LGR4: variants seen among roughly 807,000 people sequenced by gnomAD.
The protein encoded by LGR4 is leucine-rich repeat-containing G protein-coupled receptor 4.
A neutral mutation model predicts 84.8 loss-of-function variants in LGR4; 44 were observed. That is an observed-to-expected ratio of 0.52 (90% CI 0.41 to 0.67). The LOEUF (loss-of-function observed/expected upper bound fraction) is 0.67. LGR4 is among the 30% of genes least tolerant of loss of function. LGR4 has a pLI of 0.00. For missense variants in LGR4, 1,032 were observed against 1,131.4 expected (o/e 0.91, Z 1.26); for synonymous variants, 429 against 434.3 (o/e 0.99, Z 0.15).
At chr11:27,389,315 A>C (rs1018375251) in intron 4 of LGR4, among the ~76,000 whole-genome samples, 1 of 152,032 alleles carries the variant, frequency 6.6e-6, no homozygotes, top group African/African-American at 2.4e-5. Flanking sequence ...AAAGCCTTTA[A>C]AAAAAAGTTT....
intron 1 of LGR4, among the ~76,000 whole-genome samples, chr11:27,426,626 T>A (rs540984386): frequency 6.6e-6 from 1 of 152,324 alleles, no homozygotes; most frequent in African/African-American, 2.4e-5. Flanking sequence ...AACACTGCTA[T>A]AAAGATTAGA....
intron 2 of LGR4, among the ~76,000 whole-genome samples, chr11:27,393,303 C>T (rs1863319873): frequency 6.6e-6 from 1 of 152,008 alleles, no homozygotes; most frequent in Non-Finnish European, 1.5e-5. Flanking sequence ...AACTTGTAGA[C>T]AGGTGAAGTG....
intron 2 of LGR4, among the ~76,000 whole-genome samples, chr11:27,397,547 G>A (rs1247020987): frequency 6.6e-6 from 1 of 152,184 alleles, no homozygotes; most frequent in Non-Finnish European, 1.5e-5. Context: ...AAAAGGGTGA[G>A]AAAGCTTCCT....
chr11:27,377,534 GA>G (rs1184747687), intron 11 of LGR4, among the ~76,000 whole-genome samples: 2 of 151,392 alleles, frequency 1.3e-5, no homozygotes, highest in African/African-American at 4.8e-5. Context: ...GGCAAATATA[GA>G]AAAATATACA....
chr11:27,396,766 T>A (rs1470008164), intron 2 of LGR4, among the ~76,000 whole-genome samples: 1 of 152,140 alleles, frequency 6.6e-6, no homozygotes, highest in Admixed American at 6.5e-5. Flanking sequence ...TTTCTTTTTG[T>A]CCCACAAACA....
intron 14 of LGR4, 59 bp downstream of exon 14, chr11:27,373,916 G>A: frequency 8.3e-7 from 1 of 1,200,984 alleles, no homozygotes; most frequent in Non-Finnish European, 1.2e-6. Context: ...TGTTAAAACA[G>A]ATGTTTCTAT....
intron 7 of LGR4, among the ~76,000 whole-genome samples, chr11:27,381,817 C>T (rs1398373907): frequency 6.6e-6 from 1 of 152,172 alleles, no homozygotes; most frequent in African/African-American, 2.4e-5. Context: ...GCAGTAACTC[C>T]AAACTTCAAT....
chr11:27,380,568 G>T, intron 9 of LGR4, 72 bp downstream of exon 9: 1 of 1,068,390 alleles, frequency 9.4e-7, no homozygotes, highest in Non-Finnish European at 1.4e-6. Context: ...TGGAGTTCCA[G>T]TAATAAATTC....
intron 1 of LGR4, among the ~76,000 whole-genome samples, chr11:27,468,862 C>G (rs1864823537): frequency 6.6e-6 from 1 of 152,148 alleles, no homozygotes; most frequent in African/African-American, 2.4e-5. Context: ...CTAGGACATG[C>G]AAATTTGTGC....
At chr11:27,425,234 G>C (rs1272858369) in intron 1 of LGR4, among the ~76,000 whole-genome samples, 1 of 151,646 alleles carries the variant, frequency 6.6e-6, no homozygotes, top group Non-Finnish European at 1.5e-5. Flanking sequence ...TAAGATTGGA[G>C]GGTCAACTCA....
chr11:27,472,174 G>T lies in LGR4; in HGVS notation c.129C>A (p.Cys43Ter), dbSNP rs1245648512. The T allele has an allele frequency of 1.5e-6, 2 of 1,370,998 alleles. No individual in the cohort carries two copies. Among genetic ancestry groups the T allele is most frequent in the Non-Finnish European group, 1.9e-6 (2 of 1,058,458 alleles). The allele number at this position is 1,370,998 out of a possible 1,614,324, so 84.9% of individuals were successfully genotyped here. A position where few individuals can be genotyped will look rare whatever the true frequency, so the allele number is the denominator to read the frequency against. The change falls in exon 1 of 18, where the codon TGC (cysteine) becomes TGA (stop). Residue 43 changes from cysteine (C) to a stop codon, truncating the protein, a stop_gained. Transcript: ENST00000379214. LOFTEE classifies it high-confidence loss of function. Reference protein sequence around the residue: ...CSCDGDRRVDCSGKGLTAVPE... With the variant: ...CSCDGDRRVD ...GCACGGCCGTCAGCCCCTTCCCGGA[G>T]CAGTCCACCCGACGGTCGCCGTCGC...
chr11:27,374,960 A>G (rs992233920), intron 13 of LGR4, among the ~76,000 whole-genome samples: 1 of 152,066 alleles, frequency 6.6e-6, no homozygotes, highest in Non-Finnish European at 1.5e-5. Flanking sequence ...AATTTCATTC[A>G]CTATCAATTT....
intron 1 of LGR4, among the ~76,000 whole-genome samples, chr11:27,450,884 C>T (rs1864471409): frequency 6.6e-6 from 1 of 152,172 alleles, no homozygotes; most frequent in Non-Finnish European, 1.5e-5. Context: ...ACAACCATTT[C>T]TTTGCCAACT....
intron 1 of LGR4, among the ~76,000 whole-genome samples, chr11:27,437,338 A>G (rs1014559655): frequency 2.0e-5 from 3 of 152,148 alleles, no homozygotes; most frequent in Non-Finnish European, 2.9e-5. Flanking sequence ...AGAAATTATA[A>G]TTATCCATGT....
At chr11:27,433,827 A>G (rs148226711) in intron 1 of LGR4, among the ~76,000 whole-genome samples, 4 of 152,332 alleles carry the variant, frequency 2.6e-5, no homozygotes, top group Non-Finnish European at 4.4e-5. Flanking sequence ...ATGGAGTCCA[A>G]TTCCCATGGG....
At position 27,463,875 on chromosome 11, in the gene LGR4, T is replaced by A. The variant is rs372730641; in HGVS notation, c.185+8243A>T. Among the ~76,000 whole-genome samples, 4 of 152,250 alleles carry A rather than the reference T, an allele frequency of 2.6e-5. No individual in the cohort carries two copies. The East Asian group carries it at 7.7e-4, about 29-fold the overall frequency. On this transcript the variant is annotated intron_variant, in intron 1 of 17. Transcript: ENST00000379214. ...ATGTTCCCTTCTTATGAACTCTGAT[T>A]AAATTAAGTAAGAATTCCGCGTACA...
At chr11:27,412,962 G>T in intron 1 of LGR4, 102 bp from the exon 2 acceptor site, 1 of 779,746 alleles carries the variant, frequency 1.3e-6, no homozygotes. Context: ...TTGTGAAAGA[G>T]CATAGAAGAC....
At chr11:27,426,483 G>T (rs536121862) in intron 1 of LGR4, among the ~76,000 whole-genome samples, 2 of 152,216 alleles carry the variant, frequency 1.3e-5, no homozygotes, top group East Asian at 3.9e-4. Context: ...AAGCACAGTG[G>T]TTAACAATTT....
chr11:27,401,470 T>C (rs1245495009), intron 2 of LGR4, among the ~76,000 whole-genome samples: 3 of 152,092 alleles, frequency 2.0e-5, no homozygotes, highest in Non-Finnish European at 4.4e-5. Flanking sequence ...CCTCTGGCAA[T>C]AAACACATGC....
Sources: gnomAD v4.1 joint callset for allele counts (sites outside exome capture counted in the v4.1 genomes callset) on GRCh38, gnomAD v4.1.1 for gene constraint, MANE v1.5 for transcripts, NCBI Gene and HGNC (gene_info 2026-07-23, HGNC 2026-07-21) for gene names.